GARNL3: variants seen among roughly 807,000 people sequenced by gnomAD.
The protein encoded by GARNL3 is GTPase-activating Rap/Ran-GAP domain-like protein 3.
GARNL3 carries 63 observed loss-of-function variants against 125.0 expected under a neutral mutation model. The ratio of observed to expected loss-of-function variants is 0.50; its 90% confidence interval spans 0.41 to 0.62. The LOEUF is 0.62. GARNL3 is among the 20% of genes least tolerant of loss of function. The pLI is 0.00. For missense variants in GARNL3, 994 were observed against 1,244.0 expected (o/e 0.80, Z 3.02); for synonymous variants, 439 against 457.5 (o/e 0.96, Z 0.52).
In GARNL3 at chr9:127,324,687, G is replaced by A. The variant is rs182322789; in HGVS notation, c.568-382G>A. Among the ~76,000 whole-genome samples, 24 of 152,270 alleles carry A rather than the reference G, an allele frequency of 1.6e-4. No individual in the cohort carries two copies. In the East Asian group the frequency reaches 2.3e-3, roughly 15 times the overall value. ...AGTAATTTAAGTTGATTAAATCTCC[G>A]TTGTGTACCAGGTCTTCCACACACG... On this transcript the variant is annotated intron_variant, in intron 6 of 27. Coordinates refer to ENST00000373387, the MANE Select transcript of GARNL3 (RefSeq NM_032293.5).
At chr9:127,258,004 C>T (rs899877023) in intron 2 of GARNL3, among the ~76,000 whole-genome samples, 1 of 151,822 alleles carries the variant, frequency 6.6e-6, no homozygotes, top group African/African-American at 2.4e-5. Context: ...TTTTAACCCC[C>T]TGTTGCAATG....
At chr9:127,297,469 T>A (rs1225802607) in intron 2 of GARNL3, among the ~76,000 whole-genome samples, 2 of 152,220 alleles carry the variant, frequency 1.3e-5, no homozygotes, top group African/African-American at 4.8e-5. Flanking sequence ...TTTTCTTTTT[T>A]AACACAAGGA....
chr9:127,248,182 T>G (rs1450887433), intron 2 of GARNL3, among the ~76,000 whole-genome samples: 1 of 152,206 alleles, frequency 6.6e-6, no homozygotes, highest in Non-Finnish European at 1.5e-5. Flanking sequence ...GCCGTTGTGT[T>G]TCCATTAAGA....
intron 2 of GARNL3, among the ~76,000 whole-genome samples, 178 bp from the exon 3 acceptor site, chr9:127,311,458 A>G (rs2065096354): frequency 6.6e-6 from 1 of 152,170 alleles, no homozygotes; most frequent in South Asian, 2.1e-4. Context: ...GGCCTCCTGG[A>G]TGCTTCCACG....
At chr9:127,313,344 C>T (rs2065145574) in intron 3 of GARNL3, 97 bp from the exon 4 acceptor site, 1 of 832,374 alleles carries the variant, frequency 1.2e-6, no homozygotes, top group Non-Finnish European at 2.1e-6. Flanking sequence ...GTTCCCTGAG[C>T]ATGTGGGAAG....
chr9:127,282,436 C>G (rs1174933218), intron 1 of GARNL3, among the ~76,000 whole-genome samples: 3 of 152,182 alleles, frequency 2.0e-5, no homozygotes, highest in Middle Eastern at 3.4e-3. Flanking sequence ...TCACCACAAG[C>G]CTAGAAGTAG....
chr9:127,330,669 T>A (rs891958982), intron 7 of GARNL3, among the ~76,000 whole-genome samples: 7 of 152,108 alleles, frequency 4.6e-5, no homozygotes, highest in African/African-American at 1.7e-4. Context: ...GGTTCTCCGA[T>A]GGAGAATAAC....
intron 1 of GARNL3, among the ~76,000 whole-genome samples, chr9:127,236,660 C>T (rs1312319729): frequency 6.6e-6 from 1 of 152,194 alleles, no homozygotes; most frequent in Non-Finnish European, 1.5e-5. Flanking sequence ...CTCCTGGCCT[C>T]AGTTCCCCCT....
At chr9:127,345,165 T>G (rs1212745062) in intron 15 of GARNL3, among the ~76,000 whole-genome samples, 2 of 152,200 alleles carry the variant, frequency 1.3e-5, no homozygotes, top group Non-Finnish European at 2.9e-5. Context: ...ATCACAGTAA[T>G]GATATATTGA....
intron 1 of GARNL3, among the ~76,000 whole-genome samples, chr9:127,226,120 GAA>G (rs2062908796): frequency 6.6e-6 from 1 of 152,200 alleles, no homozygotes; most frequent in South Asian, 2.1e-4. Context: ...AGCCGGCCGC[GAA>G]AGAGGTCTTC....
At chr9:127,243,731 A>G (rs1030594584) in intron 2 of GARNL3, among the ~76,000 whole-genome samples, 1 of 152,240 alleles carries the variant, frequency 6.6e-6, no homozygotes, top group Admixed American at 6.5e-5. Context: ...ATACAAAATA[A>G]ATTTTAATAA....
At chr9:127,349,956 T>C (rs979714014) in intron 17 of GARNL3, among the ~76,000 whole-genome samples, 3 of 152,108 alleles carry the variant, frequency 2.0e-5, no homozygotes, top group Admixed American at 2.0e-4. Flanking sequence ...AACCTATACG[T>C]CCTCCCTCCG....
chr9:127,276,637 C>G (rs2063964484), intron 1 of GARNL3, among the ~76,000 whole-genome samples: 1 of 152,182 alleles, frequency 6.6e-6, no homozygotes. Context: ...GCAATATGCC[C>G]CAAGCTGAAC....
intron 1 of GARNL3, among the ~76,000 whole-genome samples, chr9:127,289,251 A>G (rs1222490669): frequency 6.6e-6 from 1 of 152,182 alleles, no homozygotes; most frequent in Non-Finnish European, 1.5e-5. Flanking sequence ...TCTGACACCA[A>G]CTACTACAGC....
At chr9:127,228,173 T>C (rs914356982) in intron 1 of GARNL3, among the ~76,000 whole-genome samples, 4 of 152,258 alleles carry the variant, frequency 2.6e-5, no homozygotes, top group African/African-American at 4.8e-5. Flanking sequence ...TATTCTGTCA[T>C]ATGGATATAT....
rs1343649114 is a variant in GARNL3, at chr9:127,385,826, A to G, written c.2388+681A>G. Among the ~76,000 whole-genome samples the G allele has an allele frequency of 6.6e-6, 1 of 152,190 alleles. No individual in the cohort carries two copies. Among genetic ancestry groups the G allele is most frequent in the Non-Finnish European group, 1.5e-5 (1 of 68,042 alleles). ...CCTATTTGTTCATCTTTGCTGCTGC[A>G]CTGATGGTTCTGTGAGAGCAGATGC... On this transcript the variant is annotated intron_variant, in intron 24 of 27. Transcript: ENST00000373387. The surrounding 1 kb of genome is among the most constrained non-coding windows in gnomAD (Gnocchi z 4.1).
At chr9:127,372,290 G>T (rs1831654240) in intron 22 of GARNL3, among the ~76,000 whole-genome samples, 1 of 152,202 alleles carries the variant, frequency 6.6e-6, no homozygotes, top group Non-Finnish European at 1.5e-5. Flanking sequence ...GGTGCAATGT[G>T]CTATAAGAGA....
At chr9:127,360,639 G>T (rs1277659650) in intron 21 of GARNL3, among the ~76,000 whole-genome samples, 1 of 152,178 alleles carries the variant, frequency 6.6e-6, no homozygotes, top group Non-Finnish European at 1.5e-5. Context: ...CAGCACCCAG[G>T]GCAGTGGGGA....
intron 16 of GARNL3, among the ~76,000 whole-genome samples, chr9:127,348,423 A>G (rs1830256388): frequency 2.0e-5 from 3 of 151,938 alleles, no homozygotes. Flanking sequence ...TTTGTATCTT[A>G]TGTGGGTCAA....
Sources: allele counts gnomAD v4.1 joint callset (sites outside exome capture counted in the v4.1 genomes callset), GRCh38; gene constraint gnomAD v4.1.1; non-coding constraint Gnocchi (gnomAD v3.1); transcripts MANE v1.5; gene names NCBI Gene and HGNC (gene_info 2026-07-23, HGNC 2026-07-21).